The following MS4A14 variants were observed in gnomAD, a reference collection of about 807,000 sequenced individuals.
MS4A14 encodes the protein membrane-spanning 4-domains subfamily A member 14.
A neutral mutation model predicts 16.7 loss-of-function variants in MS4A14; 18 were observed. That is an observed-to-expected ratio of 1.08 (90% confidence interval 0.75 to 1.60). MS4A14 has a LOEUF of 1.60. Among genes scored for constraint, MS4A14 ranks in the 40% most tolerant of loss-of-function variants. The pLI, the probability that MS4A14 is intolerant of heterozygous loss-of-function variation, is 0.00. For missense variants in MS4A14, 812 were observed against 775.3 expected, an observed-to-expected ratio of 1.05 and a Z score of -0.56; for synonymous variants, 305 against 289.4, an observed-to-expected ratio of 1.05 and a Z score of -0.55.
At chr11:60,402,834 G>C in intron 3 of MS4A14, 78 bp from the exon 4 acceptor site, 1 of 1,408,842 alleles carries the variant, frequency 7.1e-7, no homozygotes, top group Non-Finnish European at 9.9e-7. Context: ...AAAGATAAAA[G>C]CACTAAAAAT....
chr11:60,405,530 A>G (rs1033866473), intron 4 of MS4A14, among the ~76,000 whole-genome samples: 4 of 152,208 alleles, frequency 2.6e-5, no homozygotes, highest in African/African-American at 9.6e-5. Flanking sequence ...GCCTGTATAT[A>G]TGTTCTATCT....
intron 4 of MS4A14, among the ~76,000 whole-genome samples, chr11:60,410,528 A>G (rs1303282357): frequency 6.6e-6 from 1 of 152,148 alleles, no homozygotes; most frequent in Non-Finnish European, 1.5e-5. Context: ...CCAAATTGTC[A>G]TGAAGATATC....
At chr11:60,414,353 T>C (rs2085907272) in intron 4 of MS4A14, among the ~76,000 whole-genome samples, 1 of 152,112 alleles carries the variant, frequency 6.6e-6, no homozygotes, top group East Asian at 1.9e-4. Flanking sequence ...GGAAATGCAA[T>C]GTATTATTTC....
rs760731937 is a variant in MS4A14 at position 60,397,833 on chromosome 11, C to T, written c.139-19C>T. 3 of 1,610,244 alleles carry T rather than the reference C, an allele frequency of 1.9e-6. No homozygotes were observed. Among genetic ancestry groups the T allele is most frequent in the South Asian group, 1.1e-5 (1 of 90,850 alleles). On this transcript the variant is annotated intron_variant, in intron 1 of 4. Transcript: ENST00000300187. ...TCTTGGATACTTGTAACCTCATGTACCCATTTCTCTCCTCACAGGCTACCC... is the reference window on the plus strand; with the variant it reads ...TCTTGGATACTTGTAACCTCATGTATCCATTTCTCTCCTCACAGGCTACCC...
chr11:60,403,891 G>A (rs370808626), intron 4 of MS4A14, among the ~76,000 whole-genome samples: 1 of 152,220 alleles, frequency 6.6e-6, no homozygotes, highest in African/African-American at 2.4e-5. Flanking sequence ...GAAATGAGAA[G>A]TTAGTTCCTG....
At chr11:60,407,083 C>T (rs922850533) in intron 4 of MS4A14, among the ~76,000 whole-genome samples, 1 of 143,778 alleles carries the variant, frequency 7.0e-6, no homozygotes, top group Non-Finnish European at 1.5e-5. Context: ...GGCACTGTCT[C>T]GGCTCACTGC....
At chr11:60,402,598 G>A (rs2085730672) in intron 3 of MS4A14, among the ~76,000 whole-genome samples, 1 of 152,180 alleles carries the variant, frequency 6.6e-6, no homozygotes, top group Admixed American at 6.5e-5. Flanking sequence ...TCCAAGCAAA[G>A]ATATTTGCTA....
At chr11:60,401,594 T>C (rs2085714200) in intron 3 of MS4A14, among the ~76,000 whole-genome samples, 1 of 152,184 alleles carries the variant, frequency 6.6e-6, no homozygotes, top group Admixed American at 6.5e-5. Flanking sequence ...TTGCTCACAG[T>C]CACTTACTTC....
chr11:60,415,916 A>G lies in MS4A14; in HGVS notation c.948A>G (p.Ser316=), dbSNP rs1244981505. ...CTGCACTAAAACTCGAAGATATATC[A>G]CCTGAAGACTTGCCATCCCAAGCTC... ...SHSALKLEDI[S]PEDLPSQALP... Residue 316 remains serine (S), a synonymous_variant, in exon 5 of 5, where the codon TCA becomes TCG. Transcript: ENST00000300187. 11 of 1,613,930 alleles carry G rather than the reference A, an allele frequency of 6.8e-6. No individual in the cohort carries two copies. The highest frequency in any genetic ancestry group is 9.3e-6 in the Non-Finnish European group (11 of 1,179,930).
rs145539034 is a variant in MS4A14 at position 60,416,044 on chromosome 11, G to A, written c.1076G>A (p.Gly359Asp). Residue 359 changes from glycine (G) to aspartate (D), a missense_variant, in exon 5 of 5, where the codon GGC becomes GAC. Coordinates refer to ENST00000300187, the MANE Select transcript of MS4A14 (RefSeq NM_032597.5). Reference protein sequence around the residue: ...NLTANDLPPQGILSQDTSSQD... With the variant: ...NLTANDLPPQDILSQDTSSQD... ...ACAGCTAATGACCTGCCCCCTCAAG[G>A]CATACTATCCCAAGACACATCATCT... is the stretch of plus-strand genomic sequence containing the variant. 2 of 1,613,316 alleles carry A rather than the reference G, an allele frequency of 1.2e-6. No homozygotes were observed. The highest frequency in any genetic ancestry group is 1.7e-6 in the Non-Finnish European group (2 of 1,179,776).
At chr11:60,405,071 T>C (rs960358918) in intron 4 of MS4A14, among the ~76,000 whole-genome samples, 1 of 152,102 alleles carries the variant, frequency 6.6e-6, no homozygotes, top group Non-Finnish European at 1.5e-5. Flanking sequence ...TAAGTGGGAC[T>C]TTGGACCCAC....
rs117560234 is a variant in MS4A14, at chr11:60,404,754, T to C, written c.468+1693T>C. On this transcript the variant is annotated intron_variant, in intron 4 of 4. Coordinates refer to ENST00000300187, the MANE Select transcript of MS4A14 (RefSeq NM_032597.5). ...GAAGTTCTTCCTGACCTCACCTCTATGCTCATATCTGCATAGATCCCCCAT... is the reference window on the plus strand; with the variant it reads ...GAAGTTCTTCCTGACCTCACCTCTACGCTCATATCTGCATAGATCCCCCAT... 372 of 376,696 alleles carry C rather than the reference T, an allele frequency of 9.9e-4. 5 individuals carry two copies. The East Asian group carries it at 0.024, about 24-fold the overall frequency. The allele number at this position is 376,696 out of a possible 1,614,324, so 23.3% of individuals were successfully genotyped here. A position where few individuals can be genotyped will look rare whatever the true frequency, so the allele number is the denominator to read the frequency against.
chr11:60,403,097 A>T (rs1264619611), intron 4 of MS4A14, 36 bp downstream of exon 4: 2 of 1,591,826 alleles, frequency 1.3e-6, no homozygotes, highest in South Asian at 2.2e-5. Flanking sequence ...AATCCCTAAA[A>T]TCTTCTCTGA....
At chr11:60,398,170 A>G (rs1167350001) in intron 2 of MS4A14, 190 bp downstream of exon 2, 2 of 494,832 alleles carry the variant, frequency 4.0e-6, no homozygotes, top group Non-Finnish European at 7.0e-6. Flanking sequence ...AACTACTCTC[A>G]GGTGCTTAAA....
intron 4 of MS4A14, chr11:60,404,524 T>G (rs1367246434): frequency 2.2e-6 from 1 of 456,988 alleles, no homozygotes; most frequent in East Asian, 6.9e-5. Context: ...CTATCCTACC[T>G]ATCTTTCCAA....
rs548509668 is a variant in MS4A14 at position 60,417,189 on chromosome 11, A to G, written c.*181A>G. ...GAATGTCAAGACACTCAAGATAAAG[A>G]CCAACAAGACCTTCAATCCAGAGTT... On this transcript the variant is annotated 3_prime_UTR_variant, in exon 5 of 5. Transcript: ENST00000300187. 1.5e-6 allele frequency: 1 copy of G among 652,056 alleles called. No individual in the cohort carries two copies. Among genetic ancestry groups the G allele is most frequent in the Non-Finnish European group, 2.5e-6 (1 of 404,236 alleles). 40.4% of individuals were successfully genotyped at this position (652,056 alleles called of 1,614,324 possible).
In MS4A14 at chr11:60,416,445, A is replaced by G. The variant is rs1590823795; in HGVS notation, c.1477A>G (p.Lys493Glu). 1.2e-6 allele frequency: 2 copies of G among 1,613,982 alleles called. No homozygotes were observed. The highest frequency in any genetic ancestry group is 2.2e-5 in the East Asian group (1 of 44,874). ...SRRHSLNQQT[K>E]ALQYLRRHSL... Reference sequence around the variant, plus strand: ...ACGGCATTCCTTAAACCAGCAAACCAAAGCCTTGCAATACTTAAGGAGACA... The same window carrying G: ...ACGGCATTCCTTAAACCAGCAAACCGAAGCCTTGCAATACTTAAGGAGACA... The change falls in exon 5 of 5, where the codon AAA becomes GAA. Residue 493 changes from lysine (K) to glutamate (E), a missense_variant. Coordinates refer to ENST00000300187, the MANE Select transcript of MS4A14 (RefSeq NM_032597.5).
At chr11:60,414,579 A>T (rs2135152694) in intron 4 of MS4A14, among the ~76,000 whole-genome samples, 1 of 152,262 alleles carries the variant, frequency 6.6e-6, no homozygotes, top group African/African-American at 2.4e-5. Context: ...TAATAATAAA[A>T]TGAGAACTAA....
At chr11:60,405,826 C>T (rs1025259427) in intron 4 of MS4A14, 99 of 1,254,246 alleles carry the variant, frequency 7.9e-5, no homozygotes, top group Non-Finnish European at 1.1e-4. Flanking sequence ...GGGTTCTCAG[C>T]TTATATATTT....
Sources: gnomAD v4.1 joint callset for allele counts (sites outside exome capture counted in the v4.1 genomes callset) on GRCh38, gnomAD v4.1.1 for gene constraint, MANE v1.5 for transcripts, NCBI Gene and HGNC (gene_info 2026-07-23, HGNC 2026-07-21) for gene names.